KIF16B: variants seen among roughly 807,000 people sequenced by gnomAD.
The protein encoded by KIF16B is kinesin-like protein KIF16B.
KIF16B carries 98 observed loss-of-function variants against 156.3 expected under a neutral mutation model. The ratio of observed to expected loss-of-function variants is 0.63; its 90% confidence interval spans 0.53 to 0.74. The LOEUF is 0.74. Ranked by LOEUF, KIF16B falls within the 30% of genes least tolerant of loss-of-function variation. The pLI is 0.00. For missense variants in KIF16B, 1,421 were observed against 1,606.5 expected (o/e 0.88, Z 1.97); for synonymous variants, 564 against 583.7 (o/e 0.97, Z 0.49).
At position 16,473,913 on chromosome 20, in the gene KIF16B, G is replaced by A. The variant is rs991979104; in HGVS notation, c.1302+20378C>T. Among the ~76,000 whole-genome samples, 9 of 152,128 alleles carry A rather than the reference G, an allele frequency of 5.9e-5. No individual in the cohort carries two copies. In the East Asian group the frequency reaches 1.5e-3, roughly 26 times the overall value. ...TAAATGAGCTCTGAGTATTTTTCCC[G>A]AAGCAATAATGAAGCAGTAAGAACT... On this transcript the variant is annotated intron_variant, in intron 12 of 25. Transcript: ENST00000354981.
chr20:16,539,551 C>T (rs983589374), intron 1 of KIF16B, among the ~76,000 whole-genome samples: 3 of 152,036 alleles, frequency 2.0e-5, no homozygotes, highest in Admixed American at 2.0e-4. Flanking sequence ...TGTATGACAC[C>T]TCCCCCGACC....
chr20:16,547,295 G>A (rs2070451715), intron 1 of KIF16B, among the ~76,000 whole-genome samples: 1 of 152,152 alleles, frequency 6.6e-6, no homozygotes, highest in Admixed American at 6.5e-5. Context: ...CCCTTTACAA[G>A]GCTGTGAGGG....
At chr20:16,441,429 C>A (rs2066797380) in intron 12 of KIF16B, among the ~76,000 whole-genome samples, 1 of 152,188 alleles carries the variant, frequency 6.6e-6, no homozygotes, top group Admixed American at 6.6e-5. Flanking sequence ...CCTTCCTCTG[C>A]ACTGACCAGT....
chr20:16,566,835 T>C (rs1242262938), intron 1 of KIF16B, among the ~76,000 whole-genome samples: 2 of 152,226 alleles, frequency 1.3e-5, no homozygotes, highest in Non-Finnish European at 1.5e-5. Flanking sequence ...TAAAATCCTT[T>C]TTTTATTTTA....
At chr20:16,370,049 T>C (rs1226831387) in intron 22 of KIF16B, among the ~76,000 whole-genome samples, 4 of 152,180 alleles carry the variant, frequency 2.6e-5, no homozygotes, top group Admixed American at 6.5e-5. Context: ...TTCCATCACC[T>C]ACTATTTTTT....
Position 16,526,217 on chromosome 20 carries a change from T to C in KIF16B, c.118-12A>G. On this transcript the variant is annotated splice_polypyrimidine_tract_variant and intron_variant, in intron 2 of 25. Coordinates refer to ENST00000354981, the MANE Select transcript of KIF16B (RefSeq NM_024704.5). The stretch of plus-strand genomic sequence containing the variant: ...CCTCCTTCTGGTATCTAGAAAGAAA[T>C]GATTAGAATAATAATGATAATGTAA... 2.1e-6 allele frequency: 3 copies of C among 1,448,516 alleles called. No individual in the cohort carries two copies. The highest frequency in any genetic ancestry group is 2.9e-6 in the Non-Finnish European group (3 of 1,045,660). 89.7% of individuals were successfully genotyped at this position (1,448,516 alleles called of 1,614,324 possible). A position where few individuals can be genotyped will look rare whatever the true frequency, so the allele number is the denominator to read the frequency against.
intron 12 of KIF16B, among the ~76,000 whole-genome samples, chr20:16,469,300 G>A (rs1280562336): frequency 7.5e-6 from 1 of 133,482 alleles, no homozygotes; most frequent in East Asian, 2.1e-4. Flanking sequence ...TTCAGACCAC[G>A]ATAGAATTAA....
At chr20:16,515,445 A>T (rs912755531) in intron 4 of KIF16B, 103 bp downstream of exon 4, 4 of 638,032 alleles carry the variant, frequency 6.3e-6, no homozygotes, top group African/African-American at 5.4e-5. Context: ...GAATAATCAG[A>T]ACATGAAAAG....
intron 22 of KIF16B, chr20:16,368,413 G>A: frequency 2.0e-6 from 2 of 987,678 alleles, no homozygotes; most frequent in Non-Finnish European, 2.4e-6. Context: ...AGTCTTCAAG[G>A]GCATGTGTGG....
chr20:16,556,288 T>C (rs1320859504), intron 1 of KIF16B, among the ~76,000 whole-genome samples: 1 of 152,158 alleles, frequency 6.6e-6, no homozygotes, highest in Non-Finnish European at 1.5e-5. Context: ...ACCTGTCTCC[T>C]CAACAGAATG....
chr20:16,369,221 TG>T, intron 22 of KIF16B: 1 of 985,842 alleles, frequency 1.0e-6, no homozygotes, highest in Non-Finnish European at 1.2e-6. Flanking sequence ...GTGGCATCTC[TG>T]GGCAGAAGCG....
At chr20:16,565,799 C>T (rs6111191) in intron 1 of KIF16B, among the ~76,000 whole-genome samples, 5 of 152,218 alleles carry the variant, frequency 3.3e-5, no homozygotes, top group South Asian at 2.1e-4. Flanking sequence ...CCCCAACCCG[C>T]GTAGGGCCAG....
At chr20:16,345,110 C>T (rs2064207818) in intron 23 of KIF16B, among the ~76,000 whole-genome samples, 2 of 152,184 alleles carry the variant, frequency 1.3e-5, no homozygotes, top group Non-Finnish European at 2.9e-5. Flanking sequence ...CTGAAATCCA[C>T]CCATCGGTCT....
At chr20:16,453,991 T>C (rs746841721) in intron 12 of KIF16B, among the ~76,000 whole-genome samples, 5 of 152,296 alleles carry the variant, frequency 3.3e-5, no homozygotes, top group Non-Finnish European at 7.3e-5. Flanking sequence ...CACGCATTAT[T>C]CTCATCCCTT....
intron 23 of KIF16B, among the ~76,000 whole-genome samples, chr20:16,349,972 G>C (rs2064304718): frequency 6.6e-6 from 1 of 152,176 alleles, no homozygotes; most frequent in African/African-American, 2.4e-5. Context: ...GCAGATGGTC[G>C]ACAAGTTTTC....
At chr20:16,354,477 T>TACACAC (rs10567864) in intron 23 of KIF16B, among the ~76,000 whole-genome samples, 3,701 of 148,710 alleles carry the variant, frequency 0.025, 59 homozygotes, top group Non-Finnish European at 0.038. Flanking sequence ...AATGGAATTC[T>TACACAC]ACACACACAC....
intron 15 of KIF16B, among the ~76,000 whole-genome samples, chr20:16,424,210 C>T (rs1361893931): frequency 6.6e-6 from 1 of 152,098 alleles, no homozygotes; most frequent in Non-Finnish European, 1.5e-5. Flanking sequence ...CCAGGGTACT[C>T]AGATATTTCC....
At position 16,430,066 on chromosome 20, in the gene KIF16B, G is replaced by A. The variant is rs2066458754; in HGVS notation, c.1303-84C>T. 5 of 1,338,688 alleles carry A rather than the reference G, an allele frequency of 3.7e-6. No individual in the cohort carries two copies. The South Asian group carries it at 4.6e-5, about 12-fold the overall frequency. The allele number at this position is 1,338,688 out of a possible 1,614,324, so 82.9% of individuals were successfully genotyped here. ...TAGGTGTTCTTCAGATTGTCAGAAT[G>A]GGCAATATTTTATTTCTCATCTAAA... is the stretch of plus-strand genomic sequence containing the variant. On this transcript the variant is annotated intron_variant, in intron 12 of 25. Coordinates refer to ENST00000354981, the MANE Select transcript of KIF16B (RefSeq NM_024704.5).
At chr20:16,309,107 T>C (rs981180810) in intron 25 of KIF16B, among the ~76,000 whole-genome samples, 1 of 152,188 alleles carries the variant, frequency 6.6e-6, no homozygotes, top group African/African-American at 2.4e-5. Flanking sequence ...CTACCCACAT[T>C]AGAAATCTTC....
Sources: gnomAD v4.1 joint callset for allele counts (sites outside exome capture counted in the v4.1 genomes callset) on GRCh38, gnomAD v4.1.1 for gene constraint, MANE v1.5 for transcripts, NCBI Gene and HGNC (gene_info 2026-07-23, HGNC 2026-07-21) for gene names.